Variants in NCOA3 observed in about 807,000 individuals in gnomAD.
NCOA3 encodes the protein CBP-interacting protein.
A neutral mutation model predicts 158.8 loss-of-function variants in NCOA3; 51 were observed. That is an observed-to-expected ratio of 0.32 (90% CI 0.26 to 0.41). The LOEUF is 0.41. NCOA3 is among the 10% of genes least tolerant of loss of function. The pLI, the probability that NCOA3 is intolerant of heterozygous loss-of-function variation, is 1.00. For synonymous variants in NCOA3, 537 were observed against 592.4 expected (o/e 0.91, Z 1.36); for missense variants, 1,510 against 1,746.6 (o/e 0.86, Z 2.41).
At chr20:47,604,527 A>G (rs974151356) in intron 2 of NCOA3, among the ~76,000 whole-genome samples, 4 of 152,224 alleles carry the variant, frequency 2.6e-5, no homozygotes, top group African/African-American at 9.6e-5. Context: ...CAAATTATTT[A>G]TAATTCGTGA....
At position 47,634,109 on chromosome 20, in the gene NCOA3, A is replaced by T. The variant is rs2086467598; in HGVS notation, c.1026A>T (p.Ile342=). The change falls in exon 10 of 23, where the codon ATA becomes ATT. Residue 342 remains isoleucine (I), a synonymous_variant. Transcript: ENST00000371998. ...VYRFSLADGT[I]VTAQTKSKLF... The stretch of plus-strand genomic sequence containing the variant: ...GATTCTCGTTGGCTGATGGAACTAT[A>T]GTGACTGCACAGACAAAAAGCAAAC... 6.2e-7 allele frequency: 1 copy of T among 1,614,186 alleles called. No homozygotes were observed.
chr20:47,615,583 C>T (rs1426446482), intron 2 of NCOA3, among the ~76,000 whole-genome samples: 1 of 152,208 alleles, frequency 6.6e-6, no homozygotes, highest in Non-Finnish European at 1.5e-5. Flanking sequence ...TAATTCTTTG[C>T]TGCTTTTCAG....
intron 1 of NCOA3, among the ~76,000 whole-genome samples, chr20:47,517,448 T>TTCC (rs2084252608): frequency 4.8e-5 from 7 of 144,624 alleles, no homozygotes; most frequent in African/African-American, 1.4e-4. Flanking sequence ...CTTTTTTCTT[T>TTCC]TTCTTTTTTT....
chr20:47,606,767 T>C (rs1468605300), intron 2 of NCOA3, among the ~76,000 whole-genome samples: 3 of 152,218 alleles, frequency 2.0e-5, no homozygotes, highest in Non-Finnish European at 4.4e-5. Flanking sequence ...ACCATGGCTA[T>C]TGAGTCTTGG....
rs1322480263 is a variant in NCOA3 at position 47,501,917 on chromosome 20, A to ACGGCGG, written c.-197_-196insGGCGGC. 6 of 400,538 alleles carry ACGGCGG rather than the reference A, an allele frequency of 1.5e-5. No individual in the cohort carries two copies. Among genetic ancestry groups the ACGGCGG allele is most frequent in the East Asian group, 7.1e-5 (2 of 28,130 alleles). 24.8% of individuals were successfully genotyped at this position (400,538 alleles called of 1,614,324 possible). ...CTGCTGTCTCAGCCGCTCCACAGCG[A>ACGGCGG]CGGCAGCGGCTGCGGCTTAGTCGGT... On this transcript the variant is annotated 5_prime_UTR_variant, in exon 1 of 23. Transcript: ENST00000371998.
intron 1 of NCOA3, among the ~76,000 whole-genome samples, chr20:47,521,102 T>A (rs1475195208): frequency 1.3e-5 from 2 of 152,316 alleles, no homozygotes; most frequent in South Asian, 2.1e-4. Context: ...CGCCGCAGTA[T>A]GTGAAGATCT....
chr20:47,580,866 C>T lies in NCOA3; in HGVS notation c.-98-2317C>T, dbSNP rs531429037. ...CTGTAATCCCAACACTTTGGGAGGC[C>T]GAGGCAGACAGATCACTTGAGCTCA... On this transcript the variant is annotated intron_variant, in intron 1 of 22. Transcript: ENST00000371998. 2.3e-4 allele frequency among the ~76,000 whole-genome samples: 35 copies of T among 152,118 alleles called. 1 individual carries two copies. The highest frequency in any genetic ancestry group is 1.0e-3 in the South Asian group (5 of 4,808).
intron 17 of NCOA3, among the ~76,000 whole-genome samples, chr20:47,645,669 G>A (rs956485595): frequency 6.6e-6 from 1 of 152,044 alleles, no homozygotes; most frequent in African/African-American, 2.4e-5. Flanking sequence ...AAGCATGCAT[G>A]ATCAGTCTGC....
intron 1 of NCOA3, among the ~76,000 whole-genome samples, chr20:47,566,051 G>A (rs2085189451): frequency 6.6e-6 from 1 of 152,040 alleles, no homozygotes; most frequent in South Asian, 2.1e-4. Context: ...TTGGCTCACT[G>A]CAACCTCTGC....
chr20:47,560,226 T>A (rs1231074738), intron 1 of NCOA3, among the ~76,000 whole-genome samples: 2 of 152,118 alleles, frequency 1.3e-5, no homozygotes, highest in Non-Finnish European at 2.9e-5. Flanking sequence ...ATTATAGGTG[T>A]GCGCTATCAT....
In NCOA3 at chr20:47,623,969, T is replaced by C. The variant is rs749606235; in HGVS notation, c.142T>C (p.Leu48=). The C allele has an allele frequency of 2.5e-6, 4 of 1,613,688 alleles. No individual in the cohort carries two copies. The African/African-American group carries it at 4.0e-5, about 16-fold the overall frequency. ...GCAGGAAAGTAAATATATTGAAGAA[T>C]TGGCTGAGCTGATATCTGCCAATCT... ...REQESKYIEE[L]AELISANLSD... is the part of the protein sequence containing the mutation. Residue 48 remains leucine (L), a synonymous_variant, in exon 4 of 23, where the codon TTG becomes CTG. Coordinates refer to ENST00000371998, the MANE Select transcript of NCOA3 (RefSeq NM_181659.3).
intron 1 of NCOA3, among the ~76,000 whole-genome samples, chr20:47,518,881 A>G (rs1033141106): frequency 6.6e-6 from 1 of 151,436 alleles, no homozygotes; most frequent in African/African-American, 2.4e-5. Context: ...CACGCCTGTA[A>G]CTCCAGCACT....
intron 1 of NCOA3, among the ~76,000 whole-genome samples, chr20:47,517,702 C>T (rs797012205): frequency 1.2e-4 from 19 of 152,136 alleles, no homozygotes; most frequent in East Asian, 5.8e-4. Context: ...CTGCCTGCCT[C>T]GGCCTCCCAA....
At chr20:47,543,220 A>G (rs2084773845) in intron 1 of NCOA3, among the ~76,000 whole-genome samples, 1 of 152,140 alleles carries the variant, frequency 6.6e-6, no homozygotes, top group Non-Finnish European at 1.5e-5. Context: ...AGAGAGAAGG[A>G]GAAAAGGAGG....
At chr20:47,652,633 GAACTT>G in intron 21 of NCOA3, 53 bp downstream of exon 21, 1 of 1,526,392 alleles carries the variant, frequency 6.6e-7, no homozygotes, top group South Asian at 1.2e-5. Context: ...AGAAGTCCAA[GAACTT>G]AATGTATTTT....
intron 1 of NCOA3, among the ~76,000 whole-genome samples, chr20:47,536,048 G>T (rs1036036837): frequency 1.3e-5 from 2 of 152,184 alleles, no homozygotes; most frequent in African/African-American, 4.8e-5. Context: ...CCGCTTGTGT[G>T]TGTGTCTGCT....
chr20:47,629,732 C>CT (rs2086382823), intron 8 of NCOA3, among the ~76,000 whole-genome samples: 1 of 152,176 alleles, frequency 6.6e-6, no homozygotes, highest in East Asian at 1.9e-4. Context: ...TAGAGTGAGT[C>CT]TTTCTCTGCA....
chr20:47,503,122 T>C (rs2083967973), intron 1 of NCOA3, among the ~76,000 whole-genome samples: 2 of 152,160 alleles, frequency 1.3e-5, no homozygotes, highest in African/African-American at 4.8e-5. Context: ...TTGAATGAGA[T>C]GCGTGAGAGT....
Position 47,656,263 on chromosome 20 carries a change from T to G in NCOA3, c.*2846T>G, listed in dbSNP as rs2086872753. 6.6e-6 allele frequency: 1 copy of G among 152,160 alleles called. No individual in the cohort carries two copies. Among genetic ancestry groups the G allele is most frequent in the Admixed American group, 6.5e-5 (1 of 15,282 alleles). 9.4% of individuals were successfully genotyped at this position (152,160 alleles called of 1,614,324 possible). Reference sequence around the variant, plus strand: ...GAAGTTACATTGTTAATGTTCATATTATGATGCCACTTTTCTAAACTGCAT... The same window carrying G: ...GAAGTTACATTGTTAATGTTCATATGATGATGCCACTTTTCTAAACTGCAT... On this transcript the variant is annotated 3_prime_UTR_variant, in exon 23 of 23. Transcript: ENST00000371998.
Sources: gnomAD v4.1 joint callset for allele counts (sites outside exome capture counted in the v4.1 genomes callset) on GRCh38, gnomAD v4.1.1 for gene constraint, MANE v1.5 for transcripts, NCBI Gene and HGNC (gene_info 2026-07-23, HGNC 2026-07-21) for gene names.